The following MICAL2 variants were observed in gnomAD, a reference collection of about 807,000 sequenced individuals.
The protein encoded by MICAL2 is microtubule associated monooxygenase, calponin and LIM domain containing 2.
In MICAL2, 77 loss-of-function variants were observed where a neutral mutation model predicts 127.3. That is an observed-to-expected ratio of 0.60 (90% CI 0.50 to 0.73). The LOEUF is 0.73. Among genes scored for constraint, MICAL2 ranks in the 30% least tolerant of loss-of-function variants. MICAL2 has a pLI of 0.00. For synonymous variants in MICAL2, 570 were observed against 551.1 expected (o/e 1.03, Z -0.48); for missense variants, 1,351 against 1,434.4 (o/e 0.94, Z 0.94).
intron 15 of MICAL2, among the ~76,000 whole-genome samples, chr11:12,228,570 A>T (rs1408671235): frequency 6.6e-6 from 1 of 152,224 alleles, no homozygotes; most frequent in African/African-American, 2.4e-5. Flanking sequence ...CTGAGAACCA[A>T]GAGTCCGAAC....
At position 12,244,028 on chromosome 11, in the gene MICAL2, A is replaced by G. The variant is rs1469569383; in HGVS notation, c.2700A>G (p.Pro900=). ...LSKGLSHTHP[P]SPPSRLPSPD... The stretch of plus-strand genomic sequence containing the variant: ...AAGGCCTGTCTCATACTCATCCTCC[A>G]TCTCCTCCCTCTCGCCTTCCGTCTC... The change falls in exon 21 of 28, where the codon CCA becomes CCG. Residue 900 remains proline, a synonymous_variant. Transcript: ENST00000683283. The G allele has an allele frequency of 1.2e-6, 2 of 1,613,564 alleles. No individual in the cohort carries two copies. The highest frequency in any genetic ancestry group is 8.5e-7 in the Non-Finnish European group (1 of 1,179,638).
intron 34 of MICAL2, among the ~76,000 whole-genome samples, chr11:12,355,800 A>G (rs1939119294): frequency 6.6e-6 from 1 of 152,160 alleles, no homozygotes; most frequent in Non-Finnish European, 1.5e-5. Flanking sequence ...TCTTTCCCAT[A>G]TGGCAGTAAT....
rs1864266550 is a variant in MICAL2, at chr11:12,319,431, A to C, written c.5213-265A>C. 2.2e-5 allele frequency among the ~76,000 whole-genome samples: 3 copies of C among 136,280 alleles called. No individual in the cohort carries two copies. In the South Asian group the frequency reaches 7.6e-4, roughly 34 times the overall value. The allele number at this position is 136,280 out of a possible 152,430, so 89.4% of individuals were successfully genotyped here. A position where few individuals can be genotyped will look rare whatever the true frequency, so the allele number is the denominator to read the frequency against. ...TTAAGGAATTAATTGATTTCTGCAT[A>C]ATACCTTGGTTTTTTCTTTTTTTTT... is the stretch of plus-strand genomic sequence containing the variant. On this transcript the variant is annotated intron_variant, in intron 29 of 34. Coordinates refer to the MICAL2 transcript ENST00000646065.
At chr11:12,229,230 A>G (rs750664994) in intron 15 of MICAL2, among the ~76,000 whole-genome samples, 2 of 152,140 alleles carry the variant, frequency 1.3e-5, no homozygotes, top group African/African-American at 4.8e-5. Context: ...AGGATACTTC[A>G]TGCTTCTGTG....
chr11:12,124,297 G>T (rs532402717), intron 1 of MICAL2, among the ~76,000 whole-genome samples: 7 of 152,216 alleles, frequency 4.6e-5, no homozygotes, highest in African/African-American at 1.7e-4. Context: ...CCCCTCAGTG[G>T]ACTTGCGATC....
chr11:12,350,569 A>C (rs1939028145), intron 33 of MICAL2, among the ~76,000 whole-genome samples: 1 of 152,194 alleles, frequency 6.6e-6, no homozygotes, highest in African/African-American at 2.4e-5. Context: ...TTTTTGCCCC[A>C]ACCCCAGGAA....
intron 21 of MICAL2, among the ~76,000 whole-genome samples, chr11:12,248,482 C>T (rs1590627131): frequency 6.6e-6 from 1 of 152,230 alleles, no homozygotes; most frequent in Admixed American, 6.5e-5. Context: ...TGGCTGTTTG[C>T]CATGCCGTTG....
chr11:12,166,685 T>C (rs548615989), intron 3 of MICAL2, among the ~76,000 whole-genome samples: 2 of 152,322 alleles, frequency 1.3e-5, no homozygotes, highest in South Asian at 4.1e-4. Flanking sequence ...AGCATTCTGA[T>C]AAGTGATCAG....
chr11:12,294,222 C>A (rs202202947), downstream of MICAL2: 56 of 1,613,972 alleles, frequency 3.5e-5, no homozygotes, highest in Non-Finnish European at 4.7e-5. Flanking sequence ...CGAAACGTGC[C>A]TCCACCCAAG....
intron 1 of MICAL2, among the ~76,000 whole-genome samples, chr11:12,278,271 A>AAC (rs1033921437): frequency 1.4e-4 from 22 of 152,312 alleles, no homozygotes; most frequent in Non-Finnish European, 2.5e-4. Context: ...CACAGCTTAA[A>AAC]ACACACACAC....
In MICAL2 at chr11:12,268,974, C is replaced by T. The variant is rs982824049; in HGVS notation, c.3335-7012C>T. 3.3e-5 allele frequency among the ~76,000 whole-genome samples: 5 copies of T among 151,924 alleles called. No homozygotes were observed. The East Asian group carries it at 5.8e-4, about 18-fold the overall frequency. ...AGATTGTGCCACTGCACTCCAGCCT[C>T]GGCGACGAGCGAGACTCCGTCTCAA... On this transcript the variant is annotated intron_variant, in intron 24 of 34. Transcript: ENST00000646065.
chr11:12,346,852 A>G (rs1231059247), intron 32 of MICAL2, among the ~76,000 whole-genome samples: 1 of 152,144 alleles, frequency 6.6e-6, no homozygotes, highest in African/African-American at 2.4e-5. Flanking sequence ...ACATTCATTC[A>G]CTCAAGAAAC....
At chr11:12,304,575 C>A (rs1490911405) in intron 29 of MICAL2, among the ~76,000 whole-genome samples, 1 of 151,840 alleles carries the variant, frequency 6.6e-6, no homozygotes, top group African/African-American at 2.4e-5. Flanking sequence ...ACTGAGGTTG[C>A]AGTGAGCTGA....
intron 7 of MICAL2, among the ~76,000 whole-genome samples, chr11:12,213,683 TA>T (rs1855801916): frequency 6.6e-6 from 1 of 152,028 alleles, no homozygotes; most frequent in South Asian, 2.1e-4. Context: ...CAGTGTTGGG[TA>T]AAAAGTGAAG....
intron 6 of MICAL2, among the ~76,000 whole-genome samples, chr11:12,210,566 C>A (rs1325097914): frequency 6.6e-6 from 1 of 152,186 alleles, no homozygotes; most frequent in African/African-American, 2.4e-5. Context: ...CTTTCCATAC[C>A]CACCTCGCCA....
intron 2 of MICAL2, among the ~76,000 whole-genome samples, chr11:12,148,390 C>T (rs566945563): frequency 3.9e-5 from 6 of 152,054 alleles, no homozygotes; most frequent in African/African-American, 1.2e-4. Flanking sequence ...GGTGGGAGCC[C>T]GCTGAGCCCG....
intron 8 of MICAL2, among the ~76,000 whole-genome samples, chr11:12,216,925 T>A (rs1385995610): frequency 6.6e-6 from 1 of 152,184 alleles, no homozygotes; most frequent in Non-Finnish European, 1.5e-5. Flanking sequence ...CCTGGCACAG[T>A]GCCCGGCAGA....
chr11:12,208,211 A>C, intron 5 of MICAL2, 72 bp downstream of exon 5: 1 of 1,234,646 alleles, frequency 8.1e-7, no homozygotes, highest in Non-Finnish European at 1.2e-6. Context: ...GCTGCTTCCA[A>C]AGGGTGTTTC....
intron 3 of MICAL2, among the ~76,000 whole-genome samples, chr11:12,194,535 C>G (rs1289611101): frequency 1.3e-5 from 2 of 152,136 alleles, no homozygotes; most frequent in Admixed American, 6.6e-5. Context: ...GCCTTTTTCC[C>G]CACATGTAGG....
Sources: allele counts gnomAD v4.1 joint callset (sites outside exome capture counted in the v4.1 genomes callset), GRCh38; gene constraint gnomAD v4.1.1; transcripts MANE v1.5; gene names NCBI Gene and HGNC (gene_info 2026-07-23, HGNC 2026-07-21).